IRAG1: variants seen among roughly 807,000 people sequenced by gnomAD.
The protein encoded by IRAG1 is IP3R-associated cGMP kinase substrate.
IRAG1 carries 62 observed loss-of-function variants against 106.2 expected under a neutral mutation model. The observed-to-expected ratio is 0.58, with a 90% CI of 0.48 to 0.72. IRAG1 has a LOEUF of 0.72. IRAG1 is among the 30% of genes least tolerant of loss of function. The pLI is 0.00. For synonymous variants in IRAG1, 462 were observed against 443.9 expected, an observed-to-expected ratio of 1.04 and a Z score of -0.51; for missense variants, 1,064 against 1,140.7, an observed-to-expected ratio of 0.93 and a Z score of 0.97.
rs534638405 is a variant in IRAG1 at position 10,609,601 on chromosome 11, C to G, written c.1571+127G>C. The G allele has an allele frequency of 6.3e-6, 7 of 1,119,446 alleles. No homozygotes were observed. The African/African-American group carries it at 8.1e-5, about 13-fold the overall frequency. The allele number at this position is 1,119,446 out of a possible 1,614,324, so 69.3% of individuals were successfully genotyped here. A position where few individuals can be genotyped will look rare whatever the true frequency, so the allele number is the denominator to read the frequency against. On this transcript the variant is annotated intron_variant, in intron 11 of 20. Transcript: ENST00000423302. Reference sequence around the variant, plus strand: ...TTTGTTTCGAATGCATTATCCCTATCTAGACAATTGGACTTTGGCCCTTCT... The same window carrying G: ...TTTGTTTCGAATGCATTATCCCTATGTAGACAATTGGACTTTGGCCCTTCT...
intron 1 of IRAG1, among the ~76,000 whole-genome samples, chr11:10,678,745 A>G (rs1432335655): frequency 2.0e-5 from 3 of 152,206 alleles, no homozygotes; most frequent in Non-Finnish European, 4.4e-5. Flanking sequence ...GGACCTCTGC[A>G]AACACTCTAC....
At chr11:10,591,634 G>A in intron 17 of IRAG1, 22 bp from the exon 18 acceptor site, 1 of 1,573,294 alleles carries the variant, frequency 6.4e-7, no homozygotes, top group South Asian at 1.2e-5. Flanking sequence ...ACAGAAGACA[G>A]AGAATTGAGG....
intron 10 of IRAG1, among the ~76,000 whole-genome samples, chr11:10,618,406 A>G (rs1022815214): frequency 4.6e-5 from 7 of 152,164 alleles, no homozygotes; most frequent in Admixed American, 1.3e-4. Flanking sequence ...TCGTTCATAC[A>G]TTTGTTTAAT....
chr11:10,600,889 C>G, intron 15 of IRAG1, 29 bp downstream of exon 15: 1 of 1,613,200 alleles, frequency 6.2e-7, no homozygotes, highest in South Asian at 1.1e-5. Context: ...CTTGTAGGGC[C>G]AAGATGGGGC....
intron 2 of IRAG1, among the ~76,000 whole-genome samples, chr11:10,646,849 G>A (rs534904335): frequency 1.3e-5 from 2 of 152,234 alleles, no homozygotes; most frequent in Admixed American, 1.3e-4. Flanking sequence ...AGGAGTTAAT[G>A]TGCCCTTCCC....
intron 18 of IRAG1, chr11:10,589,219 A>G (rs1170305873): frequency 6.6e-6 from 1 of 152,196 alleles, no homozygotes; most frequent in East Asian, 1.9e-4. Flanking sequence ...AGGAAAGGTG[A>G]AATCATTTTA....
intron 1 of IRAG1, among the ~76,000 whole-genome samples, chr11:10,683,885 TTA>T (rs1491587767): frequency 4.7e-4 from 32 of 68,036 alleles, no homozygotes; most frequent in African/African-American, 1.5e-3. Flanking sequence ...TGTTGACACT[TTA>T]AAAAAAAAAA....
chr11:10,595,447 T>G (rs1853188421), intron 15 of IRAG1, among the ~76,000 whole-genome samples: 1 of 152,216 alleles, frequency 6.6e-6, no homozygotes, highest in Non-Finnish European at 1.5e-5. Flanking sequence ...CTCTTAACTT[T>G]TGAACATACT....
chr11:10,581,777 C>T, intron 19 of IRAG1, 90 bp downstream of exon 19: 1 of 1,507,428 alleles, frequency 6.6e-7, no homozygotes, highest in South Asian at 1.3e-5. Flanking sequence ...TGGTTACTTC[C>T]CTAAAGCCTC....
At chr11:10,686,143 C>A (rs576936220) in intron 1 of IRAG1, among the ~76,000 whole-genome samples, 1 of 152,336 alleles carries the variant, frequency 6.6e-6, no homozygotes, top group South Asian at 2.1e-4. Context: ...CAATATTAAT[C>A]TGGGCTTCAA....
At chr11:10,578,193 T>C (rs1851023463) in intron 20 of IRAG1, among the ~76,000 whole-genome samples, 1 of 152,214 alleles carries the variant, frequency 6.6e-6, no homozygotes, top group Non-Finnish European at 1.5e-5. Flanking sequence ...TCTTTAGAAG[T>C]CAATTTTTGG....
At chr11:10,684,489 G>A (rs1861508606) in intron 1 of IRAG1, among the ~76,000 whole-genome samples, 1 of 151,826 alleles carries the variant, frequency 6.6e-6, no homozygotes, top group African/African-American at 2.4e-5. Context: ...GAGAGCATTA[G>A]GAGATATACC....
chr11:10,654,969 A>G (rs1858806558), intron 1 of IRAG1, among the ~76,000 whole-genome samples: 1 of 152,168 alleles, frequency 6.6e-6, no homozygotes, highest in African/African-American at 2.4e-5. Context: ...AGGTTCACCC[A>G]AAGGTGAGCT....
intron 1 of IRAG1, among the ~76,000 whole-genome samples, chr11:10,655,971 C>T (rs894788988): frequency 2.4e-4 from 36 of 152,262 alleles, no homozygotes; most frequent in Middle Eastern, 3.4e-3. Flanking sequence ...GCCATTCCCA[C>T]GCTGCTCCTG....
At chr11:10,601,651 G>T (rs185778677) in intron 14 of IRAG1, among the ~76,000 whole-genome samples, 2 of 152,328 alleles carry the variant, frequency 1.3e-5, no homozygotes, top group South Asian at 4.1e-4. Context: ...GGGTTGTGAA[G>T]GACCTCGAAT....
chr11:10,653,715 G>A (rs774425482), intron 1 of IRAG1, among the ~76,000 whole-genome samples: 8 of 152,180 alleles, frequency 5.3e-5, no homozygotes, highest in Non-Finnish European at 1.0e-4. Flanking sequence ...CTCCAAGGAT[G>A]AAACACACTC....
chr11:10,586,608 G>A (rs1286759041), intron 18 of IRAG1, among the ~76,000 whole-genome samples: 1 of 152,128 alleles, frequency 6.6e-6, no homozygotes, highest in East Asian at 1.9e-4. Context: ...AGTAGAAATG[G>A]GGTTTCACCA....
At chr11:10,583,604 A>C (rs1171955767) in intron 18 of IRAG1, among the ~76,000 whole-genome samples, 1 of 152,152 alleles carries the variant, frequency 6.6e-6, no homozygotes, top group Admixed American at 6.5e-5. Flanking sequence ...AGTAGGAAGG[A>C]GAGTAGAGGG....
At chr11:10,623,745 C>T (rs1237393988) in intron 10 of IRAG1, 33 bp downstream of exon 10, 16 of 1,601,356 alleles carry the variant, frequency 1.0e-5, no homozygotes, top group African/African-American at 5.3e-5. Context: ...AATCAGCACT[C>T]GCTGAGACAG....
Sources: allele counts gnomAD v4.1 joint callset (sites outside exome capture counted in the v4.1 genomes callset), GRCh38; gene constraint gnomAD v4.1.1; transcripts MANE v1.5; gene names NCBI Gene and HGNC (gene_info 2026-07-23, HGNC 2026-07-21).